The following RSRC1 variants were observed in gnomAD, a reference collection of about 807,000 sequenced individuals.
RSRC1 encodes the protein arginine and serine rich coiled-coil 1, also known as serine/Arginine-related protein 53.
In RSRC1, 39 loss-of-function variants were observed where a neutral mutation model predicts 49.1. The observed-to-expected ratio is 0.79, with a 90% CI of 0.61 to 1.04. RSRC1 has a LOEUF of 1.04. Among genes scored for constraint, RSRC1 ranks in the 50% least tolerant of loss-of-function variants. The pLI, the probability that RSRC1 is intolerant of heterozygous loss-of-function variation, is 0.00. For missense variants in RSRC1, 388 were observed against 402.4 expected (o/e 0.96, Z 0.31); for synonymous variants, 143 against 130.8 (o/e 1.09, Z -0.63).
At chr3:158,351,003 T>G (rs75708278) in intron 5 of RSRC1, among the ~76,000 whole-genome samples, 2,906 of 152,252 alleles carry the variant, frequency 0.019, 73 homozygotes, top group African/African-American at 0.067. Context: ...TTCTTCCTCC[T>G]TAATCCTTTC....
chr3:158,277,666 C>T (rs76505954), intron 4 of RSRC1, among the ~76,000 whole-genome samples: 4,045 of 152,244 alleles, frequency 0.027, 160 homozygotes, highest in African/African-American at 0.093. Context: ...TTTGACATTA[C>T]TTTGTGATTC....
chr3:158,170,908 A>G (rs1367732813), intron 3 of RSRC1, among the ~76,000 whole-genome samples: 5 of 152,112 alleles, frequency 3.3e-5, no homozygotes, highest in African/African-American at 4.8e-5. Flanking sequence ...CTTTGCCCCA[A>G]GAACCACCCC....
chr3:158,348,584 AT>A (rs573349384), intron 5 of RSRC1, among the ~76,000 whole-genome samples: 1 of 60,542 alleles, frequency 1.7e-5, no homozygotes, highest in Non-Finnish European at 4.2e-5. Flanking sequence ...AAATTATTTT[AT>A]TTTTTTTTAT....
rs1722727431 is a variant in RSRC1, at chr3:158,229,031, T to TGC, written c.494+25787_494+25788insCG. 6.3e-5 allele frequency among the ~76,000 whole-genome samples: 6 copies of TGC among 95,348 alleles called. 2 individuals carry two copies. The East Asian group carries it at 1.7e-3, about 27-fold the overall frequency. 62.6% of individuals were successfully genotyped at this position (95,348 alleles called of 152,430 possible). A position where few individuals can be genotyped will look rare whatever the true frequency, so the allele number is the denominator to read the frequency against. On this transcript the variant is annotated intron_variant, in intron 4 of 9. Transcript: ENST00000611884. ...GTATAAACACACATACGTGTATATG[T>TGC]GTGTATAAACACACATACGTGTATA...
At chr3:158,239,961 A>C (rs1723474875) in intron 4 of RSRC1, among the ~76,000 whole-genome samples, 1 of 152,134 alleles carries the variant, frequency 6.6e-6, no homozygotes, top group South Asian at 2.1e-4. Context: ...TTCAAGTTCC[A>C]AAAAAACAAC....
intron 7 of RSRC1, among the ~76,000 whole-genome samples, chr3:158,491,331 G>T (rs972084119): frequency 2.0e-5 from 3 of 152,126 alleles, no homozygotes; most frequent in African/African-American, 4.8e-5. Flanking sequence ...ATCAGAAATG[G>T]TTTATGGTAC....
chr3:158,409,851 G>C (rs547857070), intron 6 of RSRC1, among the ~76,000 whole-genome samples: 1 of 151,970 alleles, frequency 6.6e-6, no homozygotes, highest in African/African-American at 2.4e-5. Flanking sequence ...TCTGTAAATC[G>C]GATCCTATTA....
intron 4 of RSRC1, among the ~76,000 whole-genome samples, chr3:158,259,445 G>T (rs906531474): frequency 1.3e-5 from 2 of 152,096 alleles, no homozygotes; most frequent in African/African-American, 4.8e-5. Context: ...GTCTCACTCT[G>T]TGCTGAACTG....
chr3:158,292,781 T>G (rs1727013603), intron 4 of RSRC1, among the ~76,000 whole-genome samples: 1 of 152,208 alleles, frequency 6.6e-6, no homozygotes, highest in Admixed American at 6.5e-5. Flanking sequence ...TTTCTATAGT[T>G]TATTTTTTAT....
At chr3:158,125,306 G>A (rs1438024827) in intron 3 of RSRC1, among the ~76,000 whole-genome samples, 3 of 151,784 alleles carry the variant, frequency 2.0e-5, no homozygotes, top group African/African-American at 7.3e-5. Context: ...GTTCCTTGAA[G>A]TATTAAGTAT....
chr3:158,265,665 G>A (rs1390816738), intron 4 of RSRC1, among the ~76,000 whole-genome samples: 1 of 151,924 alleles, frequency 6.6e-6, no homozygotes, highest in Admixed American at 6.6e-5. Context: ...TCTTAAATAT[G>A]CTTTTTGAGG....
At chr3:158,387,889 A>C (rs980569676) in intron 6 of RSRC1, among the ~76,000 whole-genome samples, 1 of 152,176 alleles carries the variant, frequency 6.6e-6, no homozygotes, top group African/African-American at 2.4e-5. Flanking sequence ...GAGGTTCTTA[A>C]GGCATCTCAG....
chr3:158,267,860 A>ATTTTT lies in RSRC1; in HGVS notation c.495-30165_495-30161dup, dbSNP rs368565806. On this transcript the variant is annotated intron_variant, in intron 4 of 9. Transcript: ENST00000611884. ...TCTTATGCTGTTTGTTTCCATATCT[A>ATTTTT]TTTTTTTTTTTTTTTTTTGGCTTAA... Among the ~76,000 whole-genome samples the ATTTTT allele has an allele frequency of 7.2e-5, 9 of 125,044 alleles. No homozygotes were observed. The East Asian group carries it at 1.9e-3, about 26-fold the overall frequency. The allele number at this position is 125,044 out of a possible 152,430, so 82.0% of individuals were successfully genotyped here. A position where few individuals can be genotyped will look rare whatever the true frequency, so the allele number is the denominator to read the frequency against.
chr3:158,499,014 G>A lies in RSRC1; in HGVS notation c.652+38011G>A, dbSNP rs1285057832. Among the ~76,000 whole-genome samples the A allele has an allele frequency of 2.0e-5, 3 of 152,136 alleles. No homozygotes were observed. The East Asian group carries it at 5.8e-4, about 29-fold the overall frequency. On this transcript the variant is annotated intron_variant, in intron 7 of 9. Transcript: ENST00000611884. ...GAAATCAGGCCGTGTGATGCTTCCAGATTTGTTCTTTTTGCTTAATCTTGC... is the reference window on the plus strand; with the variant it reads ...GAAATCAGGCCGTGTGATGCTTCCAAATTTGTTCTTTTTGCTTAATCTTGC...
intron 4 of RSRC1, among the ~76,000 whole-genome samples, chr3:158,251,070 C>T (rs935000624): frequency 6.6e-6 from 1 of 151,940 alleles, no homozygotes; most frequent in African/African-American, 2.4e-5. Context: ...TCCAGTTTTC[C>T]CAGCACTGTC....
chr3:158,458,941 A>G (rs772719123), intron 6 of RSRC1, among the ~76,000 whole-genome samples: 5 of 152,174 alleles, frequency 3.3e-5, no homozygotes, highest in African/African-American at 7.2e-5. Flanking sequence ...GATTTCCTTA[A>G]TAGTCAATGA....
intron 6 of RSRC1, among the ~76,000 whole-genome samples, chr3:158,438,469 A>T (rs1736173741): frequency 6.6e-6 from 1 of 152,176 alleles, no homozygotes; most frequent in Non-Finnish European, 1.5e-5. Context: ...ACCAAAACAG[A>T]TATATAGACC....
chr3:158,253,124 T>A (rs1724319888), intron 4 of RSRC1, among the ~76,000 whole-genome samples: 1 of 151,958 alleles, frequency 6.6e-6, no homozygotes, highest in Non-Finnish European at 1.5e-5. Context: ...TGGGGTTTGG[T>A]TTGGTCTTCT....
At position 158,251,552 on chromosome 3, in the gene RSRC1, TAAG is replaced by T. The variant is rs564176784; in HGVS notation, c.495-46484_495-46482del. 1.2e-3 allele frequency among the ~76,000 whole-genome samples: 186 copies of T among 152,336 alleles called. 1 individual carries two copies. Among genetic ancestry groups the T allele is most frequent in the African/African-American group, 4.3e-3 (180 of 41,590 alleles). On this transcript the variant is annotated intron_variant, in intron 4 of 9. Coordinates refer to ENST00000611884, the MANE Select transcript of RSRC1 (RefSeq NM_001271838.2). The stretch of plus-strand genomic sequence containing the variant: ...TTTGTTTTTTGGTTAAATTAATTCT[TAAG>T]AATTTAATTTTATTTGTGGCTATTG...
Sources: gnomAD v4.1 joint callset for allele counts (sites outside exome capture counted in the v4.1 genomes callset) on GRCh38, gnomAD v4.1.1 for gene constraint, MANE v1.5 for transcripts, NCBI Gene and HGNC (gene_info 2026-07-23, HGNC 2026-07-21) for gene names.